The following PCDHA11 variants were observed in gnomAD, a reference collection of about 807,000 sequenced individuals.
PCDHA11 encodes protocadherin alpha-11.
Under a neutral mutation model 70.3 loss-of-function variants are expected in PCDHA11, and 61 were observed. The observed-to-expected ratio is 0.87, with a 90% confidence interval of 0.71 to 1.07. The LOEUF is 1.07. PCDHA11 is among the 50% of genes least tolerant of loss of function. PCDHA11 has a pLI of 0.00. For synonymous variants in PCDHA11, 633 were observed against 555.1 expected, an observed-to-expected ratio of 1.14 and a Z score of -1.97; for missense variants, 1,324 against 1,237.5, an observed-to-expected ratio of 1.07 and a Z score of -1.05.
intron 1 of PCDHA11, among the ~76,000 whole-genome samples, chr5:140,881,035 C>T (rs563210273): frequency 6.6e-6 from 1 of 152,186 alleles, no homozygotes; most frequent in African/African-American, 2.4e-5. Context: ...CAGTCATTTC[C>T]TATAGAGTTG....
At chr5:140,876,283 G>A in intron 1 of PCDHA11, 1 of 1,614,056 alleles carries the variant, frequency 6.2e-7, no homozygotes. Flanking sequence ...CGATCCAGAC[G>A]AAGGACTTAA....
intron 1 of PCDHA11, among the ~76,000 whole-genome samples, chr5:140,956,942 A>G (rs2153711637): frequency 6.7e-6 from 1 of 148,840 alleles, no homozygotes; most frequent in Admixed American, 6.8e-5. Flanking sequence ...GATAAAATTT[A>G]CATTAAAACA....
At chr5:140,879,180 G>C (rs1459369751) in intron 1 of PCDHA11, among the ~76,000 whole-genome samples, 14 of 152,206 alleles carry the variant, frequency 9.2e-5, no homozygotes, top group African/African-American at 3.4e-4. Context: ...TAGGTATCAA[G>C]TAATGGAGAC....
intron 1 of PCDHA11, among the ~76,000 whole-genome samples, chr5:140,963,002 A>G (rs921334790): frequency 7.2e-5 from 11 of 152,242 alleles, no homozygotes; most frequent in African/African-American, 2.2e-4. Flanking sequence ...TACTAAAAAT[A>G]AGATCTGAAG....
chr5:140,956,585 T>G (rs1004549488), intron 1 of PCDHA11, among the ~76,000 whole-genome samples: 4 of 152,198 alleles, frequency 2.6e-5, no homozygotes, highest in Non-Finnish European at 5.9e-5. Flanking sequence ...CATTGATGCT[T>G]ATCAGGGATA....
chr5:141,006,069 C>T (rs1588119997), intron 3 of PCDHA11, among the ~76,000 whole-genome samples: 1 of 148,482 alleles, frequency 6.7e-6, no homozygotes, highest in African/African-American at 2.5e-5. Flanking sequence ...AAATAAAAAT[C>T]AGATTATTGA....
At chr5:140,881,325 A>G in intron 1 of PCDHA11, 4 of 984,454 alleles carry the variant, frequency 4.1e-6, no homozygotes, top group Non-Finnish European at 4.8e-6. Flanking sequence ...ATTCTATTTA[A>G]CCAGGACGCC....
rs1207145020 is a variant in PCDHA11, at chr5:140,966,511, A to G, written c.2392-12438A>G. On this transcript the variant is annotated intron_variant, in intron 1 of 3. Coordinates refer to ENST00000398640, the MANE Select transcript of PCDHA11 (RefSeq NM_018902.5). ...CCCCTGGAGCTGTAGCGGCAGCAGC[A>G]GCAGGAAGCCGAGCCGGGTTGAGCG... The G allele has an allele frequency of 7.1e-5, 31 of 433,774 alleles. No homozygotes were observed. In the East Asian group the frequency reaches 1.1e-3, roughly 15 times the overall value. 26.9% of individuals were successfully genotyped at this position (433,774 alleles called of 1,614,324 possible). A position where few individuals can be genotyped will look rare whatever the true frequency, so the allele number is the denominator to read the frequency against.
At chr5:140,931,779 T>G (rs1298337220) in intron 1 of PCDHA11, among the ~76,000 whole-genome samples, 1 of 152,006 alleles carries the variant, frequency 6.6e-6, no homozygotes, top group African/African-American at 2.4e-5. Context: ...CCTGTTCAAT[T>G]ACCTATTGAT....
rs1161459762 is a variant in PCDHA11, at chr5:140,884,196, C to A, written c.2391+12702C>A. 1.9e-6 allele frequency: 3 copies of A among 1,613,298 alleles called. No homozygotes were observed. The African/African-American group carries it at 4.0e-5, about 22-fold the overall frequency. On this transcript the variant is annotated intron_variant, in intron 1 of 3. Coordinates refer to ENST00000398640, the MANE Select transcript of PCDHA11 (RefSeq NM_018902.5). ...CGCCCTCTGGACGAGGTGGACGCGCCGCACCACCGCCTTCTGGTGCTGGTG... is the reference window on the plus strand; with the variant it reads ...CGCCCTCTGGACGAGGTGGACGCGCAGCACCACCGCCTTCTGGTGCTGGTG...
At chr5:140,943,321 G>C (rs1012061757) in intron 1 of PCDHA11, among the ~76,000 whole-genome samples, 3 of 150,454 alleles carry the variant, frequency 2.0e-5, no homozygotes, top group Non-Finnish European at 4.4e-5. Flanking sequence ...TAGCAATATT[G>C]TGTAGTATCC....
intron 1 of PCDHA11, chr5:140,884,440 G>T: frequency 1.2e-6 from 2 of 1,613,830 alleles, no homozygotes; most frequent in Non-Finnish European, 1.7e-6. Flanking sequence ...TGCGGTGCTC[G>T]GCACCGCCCA....
chr5:140,975,964 T>C (rs1554237162), intron 1 of PCDHA11, among the ~76,000 whole-genome samples: 2 of 152,218 alleles, frequency 1.3e-5, no homozygotes, highest in South Asian at 2.1e-4. Flanking sequence ...TCTTCACCAA[T>C]AGAAAGTAAG....
Position 141,010,015 on chromosome 5 carries a change from C to T in PCDHA11, c.*78C>T, listed in dbSNP as rs1588250671. On this transcript the variant is annotated 3_prime_UTR_variant, in exon 4 of 4. Transcript: ENST00000398640. ...CTCTCCCATGTAGCAATTCCCTGCTCCTTTTTCCTATCTACATGAGCCCTC... is the reference window on the plus strand; with the variant it reads ...CTCTCCCATGTAGCAATTCCCTGCTTCTTTTTCCTATCTACATGAGCCCTC... 7 of 1,572,182 alleles carry T rather than the reference C, an allele frequency of 4.5e-6. No individual in the cohort carries two copies. In the East Asian group the frequency reaches 1.3e-4, roughly 30 times the overall value.
In PCDHA11 at chr5:140,870,552, G is replaced by T; in HGVS notation, c.1449G>T (p.Ala483=). 4 of 1,614,042 alleles carry T rather than the reference G, an allele frequency of 2.5e-6. No individual in the cohort carries two copies. Among genetic ancestry groups the T allele is most frequent in the Non-Finnish European group, 2.5e-6 (3 of 1,180,004 alleles). Residue 483 remains alanine (A), a synonymous_variant, in exon 1 of 4, where the codon GCG becomes GCT. Transcript: ENST00000398640. ...CAGTGTCGGCGCGGGACGCGGACGC[G>T]CAGGAGAACGCGCTGGTGTCCTACT... ...IFTVSARDAD[A]QENALVSYSL...
At chr5:140,966,528 G>T (rs567098369) in intron 1 of PCDHA11, 235 of 446,634 alleles carry the variant, frequency 5.3e-4, no homozygotes, top group Non-Finnish European at 7.8e-4. Context: ...AGCCGAGCCG[G>T]GTTGAGCGAC....
intron 1 of PCDHA11, among the ~76,000 whole-genome samples, chr5:140,901,318 T>A (rs1337437902): frequency 6.6e-6 from 1 of 152,202 alleles, no homozygotes; most frequent in African/African-American, 2.4e-5. Flanking sequence ...TTCCCCAATG[T>A]TTTCTTGTAG....
rs1554168487 is a variant in PCDHA11 at position 140,876,335 on chromosome 5, G to A, written c.2391+4841G>A. ...GGGATCAAAATGATTTTGCCAGTGA[G>A]TGAGAAATGTATGTTTTCAATAAAT... On this transcript the variant is annotated intron_variant, in intron 1 of 3. Transcript: ENST00000398640. 3 of 1,614,034 alleles carry A rather than the reference G, an allele frequency of 1.9e-6. No individual in the cohort carries two copies. The highest frequency in any genetic ancestry group is 4.5e-5 in the East Asian group (2 of 44,894).
intron 1 of PCDHA11, among the ~76,000 whole-genome samples, chr5:140,936,335 A>G (rs1278918836): frequency 2.0e-5 from 3 of 152,176 alleles, no homozygotes; most frequent in South Asian, 2.1e-4. Context: ...AATTTTCTCT[A>G]TCTGCATATA....
Sources: gnomAD v4.1 joint callset for allele counts (sites outside exome capture counted in the v4.1 genomes callset) on GRCh38, gnomAD v4.1.1 for gene constraint, MANE v1.5 for transcripts, NCBI Gene and HGNC (gene_info 2026-07-23, HGNC 2026-07-21) for gene names.